The following MED12L variants were observed in gnomAD, a reference collection of about 807,000 sequenced individuals.
MED12L encodes mediator complex subunit 12L.
In MED12L, 60 loss-of-function variants were observed where a neutral mutation model predicts 281.3. The observed-to-expected ratio is 0.21, with a 90% CI of 0.17 to 0.26. The LOEUF (loss-of-function observed/expected upper bound fraction) is 0.26. MED12L is among the 10% of genes least tolerant of loss of function. The probability of loss-of-function intolerance (pLI) is 1.00; values close to 1 mark genes in which losing one functional copy is unlikely to be tolerated. For synonymous variants in MED12L, 974 were observed against 987.2 expected, an observed-to-expected ratio of 0.99 and a Z score of 0.25; for missense variants, 2,146 against 2,680.9, an observed-to-expected ratio of 0.80 and a Z score of 4.41.
intron 24 of MED12L, 27 bp from the exon 25 acceptor site, chr3:151,368,123 C>T (rs747488373): frequency 6.3e-7 from 1 of 1,588,340 alleles, no homozygotes; most frequent in Non-Finnish European, 8.6e-7. Flanking sequence ...TGTTAGAAAA[C>T]TTGCTTTTCC....
At chr3:151,362,180 A>G (rs906627677) in intron 21 of MED12L, among the ~76,000 whole-genome samples, 4 of 151,978 alleles carry the variant, frequency 2.6e-5, no homozygotes, top group Non-Finnish European at 2.9e-5. Context: ...AGTTCTTCTA[A>G]CTGGTTTCCT....
intron 3 of MED12L, among the ~76,000 whole-genome samples, chr3:151,116,928 TA>T (rs2148740345): frequency 6.6e-6 from 1 of 152,288 alleles, no homozygotes; most frequent in East Asian, 1.9e-4. Flanking sequence ...ATTGGAAAGG[TA>T]GTCCTCTCTA....
At position 151,365,122 on chromosome 3, in the gene MED12L, T is replaced by G. The variant is rs748739505; in HGVS notation, c.3101T>G (p.Ile1034Ser). ...RSINYSMLGKILSDNAANRYS... is the reference protein window; with the variant it reads ...RSINYSMLGKSLSDNAANRYS... Reference sequence around the variant, plus strand: ...ATCAACTACTCAATGCTGGGCAAGATCCTCAGTGACAATGCGGCCAATCGC... The same window carrying G: ...ATCAACTACTCAATGCTGGGCAAGAGCCTCAGTGACAATGCGGCCAATCGC... The change falls in exon 22 of 45, where the codon ATC becomes AGC. Residue 1034 changes from isoleucine (I) to serine (S), a missense_variant. Around this residue, in one of 9 missense-constraint regions of MED12L, gnomAD observed 404 missense variants for 603.5 expected, o/e 0.67. Transcript: ENST00000687756. The G allele has an allele frequency of 6.2e-7, 1 of 1,614,034 alleles. No individual in the cohort carries two copies. The highest frequency in any genetic ancestry group is 8.5e-7 in the Non-Finnish European group (1 of 1,179,948).
chr3:151,188,475 C>G lies in MED12L; in HGVS notation c.1748C>G (p.Ser583Cys). The change falls in exon 13 of 45, where the codon TCT (serine) becomes TGT (cysteine). Residue 583 changes from serine (S) to cysteine (C), a missense_variant. Physicochemically the swap from Ser to Cys is moderately radical, Grantham distance 112. Around this residue, in one of 9 missense-constraint regions of MED12L, gnomAD observed 722 missense variants for 861.2 expected, o/e 0.84. Coordinates refer to ENST00000687756, the MANE Select transcript of MED12L (RefSeq NM_001393769.1). Reference sequence around the variant, plus strand: ...AGGTTTTTAGATACACAGGCCCCCTCTTTGTGTAAGTAGAGAAAACTCTTT... The same window carrying G: ...AGGTTTTTAGATACACAGGCCCCCTGTTTGTGTAAGTAGAGAAAACTCTTT... ...LLRFLDTQAP[S>C]LSDPNSECEK... The G allele has an allele frequency of 6.2e-7, 1 of 1,611,168 alleles. No homozygotes were observed. The highest frequency in any genetic ancestry group is 1.1e-5 in the South Asian group (1 of 90,598).
At position 151,109,892 on chromosome 3, in the gene MED12L, C is replaced by T. The variant is rs979265867; in HGVS notation, c.100-6446C>T. Among the ~76,000 whole-genome samples the T allele has an allele frequency of 5.9e-5, 9 of 152,272 alleles. No individual in the cohort carries two copies. In the East Asian group the frequency reaches 1.5e-3, roughly 26 times the overall value. ...TGCTGTTGATCTGGTTCCCAGAGCACGACCCTGGGAACAGGATCTTGACTA... is the reference window on the plus strand; with the variant it reads ...TGCTGTTGATCTGGTTCCCAGAGCATGACCCTGGGAACAGGATCTTGACTA... On this transcript the variant is annotated intron_variant, in intron 2 of 44. Coordinates refer to ENST00000687756, the MANE Select transcript of MED12L (RefSeq NM_001393769.1).
At chr3:151,230,302 T>C (rs1327041557) in intron 16 of MED12L, among the ~76,000 whole-genome samples, 1 of 152,202 alleles carries the variant, frequency 6.6e-6, no homozygotes, top group Non-Finnish European at 1.5e-5. Context: ...TGCGTGTCTG[T>C]TTTAGAACAT....
chr3:151,356,002 C>T lies in MED12L; in HGVS notation c.2624C>T (p.Ala875Val). 6.2e-7 allele frequency: 1 copy of T among 1,613,862 alleles called. No individual in the cohort carries two copies. The highest frequency in any genetic ancestry group is 8.5e-7 in the Non-Finnish European group (1 of 1,179,932). The change falls in exon 19 of 45, where the codon GCA (alanine) becomes GTA (valine). Residue 875 changes from alanine to valine, a missense_variant. Around this residue, in one of 9 missense-constraint regions of MED12L, gnomAD observed 404 missense variants for 603.5 expected, o/e 0.67. Transcript: ENST00000687756. ...CTCATCTTTGATCTCATGGAGCCAG[C>T]ACTGAACATCAACGGACTAATTGAC... is the stretch of plus-strand genomic sequence containing the variant. The part of the protein sequence containing the change: ...IQLIFDLMEP[A>V]LNINGLIDFA...
At chr3:151,292,243 G>T (rs950725871) in intron 16 of MED12L, among the ~76,000 whole-genome samples, 1 of 151,352 alleles carries the variant, frequency 6.6e-6, no homozygotes, top group Non-Finnish European at 1.5e-5. Context: ...GGATGAAGAG[G>T]ATAGGACATG....
rs1454937320 is a variant in MED12L at position 151,135,059 on chromosome 3, C to G, written c.556+7075C>G. Among the ~76,000 whole-genome samples, 3 of 152,150 alleles carry G rather than the reference C, an allele frequency of 2.0e-5. 1 individual carries two copies. The highest frequency in any genetic ancestry group is 1.9e-4 in the East Asian group (1 of 5,194). On this transcript the variant is annotated intron_variant, in intron 5 of 44. Transcript: ENST00000687756. ...TTATTTTTATTTGAGATGGAGTCTC[C>G]TCTGTTGCTCAGGCTGGAGTGCATT... is the stretch of plus-strand genomic sequence containing the variant.
At chr3:151,403,162 T>A (rs995806199) in intron 39 of MED12L, among the ~76,000 whole-genome samples, 1 of 152,194 alleles carries the variant, frequency 6.6e-6, no homozygotes, top group Non-Finnish European at 1.5e-5. Context: ...TAACACAGAA[T>A]CATGAATGCA....
intron 16 of MED12L, chr3:151,336,436 T>G (rs1449718050): frequency 2.0e-5 from 9 of 447,238 alleles, no homozygotes; most frequent in African/African-American, 4.0e-5. Flanking sequence ...TCAATAAAAG[T>G]GATTATTATT....
At chr3:151,272,489 C>T (rs1207351693) in intron 16 of MED12L, among the ~76,000 whole-genome samples, 1 of 152,176 alleles carries the variant, frequency 6.6e-6, no homozygotes, top group African/African-American at 2.4e-5. Context: ...GTGGTATTTC[C>T]TCCTCCCAAA....
chr3:151,151,031 C>CTGTTTTTTTTTTTTTTTT (rs1718397799), intron 5 of MED12L, among the ~76,000 whole-genome samples: 1 of 32,888 alleles, frequency 3.0e-5, no homozygotes, highest in African/African-American at 1.2e-4. Flanking sequence ...GCTGAAGTAG[C>CTGTTTTTTTTTTTTTTTT]TTTTTTTTTT....
intron 11 of MED12L, among the ~76,000 whole-genome samples, chr3:151,171,460 G>A (rs1250779631): frequency 6.6e-6 from 1 of 152,154 alleles, no homozygotes; most frequent in Admixed American, 6.5e-5. Flanking sequence ...TCTCTTTGGG[G>A]GTCCCAGGAA....
intron 11 of MED12L, among the ~76,000 whole-genome samples, chr3:151,176,020 T>G (rs1297736473): frequency 6.6e-6 from 1 of 152,206 alleles, no homozygotes; most frequent in African/African-American, 2.4e-5. Flanking sequence ...TTTCTTCTTG[T>G]GATTGTTATA....
rs986712158 is a variant in MED12L, at chr3:151,294,392, T to A, written c.2251-55667T>A. 1.2e-6 allele frequency: 2 copies of A among 1,614,008 alleles called. No individual in the cohort carries two copies. Among genetic ancestry groups the A allele is most frequent in the African/African-American group, 2.7e-5 (2 of 74,904 alleles). On this transcript the variant is annotated intron_variant, in intron 16 of 44. Transcript: ENST00000687756. ...ATATAGGATTTTTTGTGCAGATTCA[T>A]CTAAAAGCCTGTCTAAGTGACTAAA...
chr3:151,189,241 G>C (rs1001673352), intron 13 of MED12L, among the ~76,000 whole-genome samples: 26 of 152,202 alleles, frequency 1.7e-4, no homozygotes, highest in African/African-American at 5.8e-4. Flanking sequence ...CTGAGGAGGG[G>C]CCTGAGTGAG....
chr3:151,416,399 G>A lies in MED12L; in HGVS notation c.6385G>A (p.Ala2129Thr). ...QSQSQTLGLQ[A>T]MQPQQPLFPR... ...CCAGAGTCAGACCCTTGGTCTCCAA[G>A]CAATGCAGCCCCAGCAGCCCTTGGT... Residue 2129 changes from alanine (A) to threonine (T), a missense_variant, in exon 43 of 45, where the codon GCA (alanine) becomes ACA (threonine). Ala to Thr is a moderately conservative substitution (Grantham distance 58). Coordinates refer to ENST00000687756, the MANE Select transcript of MED12L (RefSeq NM_001393769.1). 1 of 1,584,912 alleles carries A rather than the reference G, an allele frequency of 6.3e-7. No individual in the cohort carries two copies. Among genetic ancestry groups the A allele is most frequent in the Non-Finnish European group, 8.6e-7 (1 of 1,162,010 alleles).
chr3:151,215,627 G>C (rs552160394), intron 16 of MED12L, among the ~76,000 whole-genome samples: 3 of 152,260 alleles, frequency 2.0e-5, no homozygotes, highest in African/African-American at 7.2e-5. Flanking sequence ...TTGATTTAGG[G>C]CAGAGGGAAG....
Sources: allele counts gnomAD v4.1 joint callset (sites outside exome capture counted in the v4.1 genomes callset), GRCh38; gene constraint gnomAD v4.1.1; regional missense constraint gnomAD v4.1.1; transcripts MANE v1.5; gene names NCBI Gene and HGNC (gene_info 2026-07-23, HGNC 2026-07-21).